Variants in NHSL1 observed in about 807,000 individuals in gnomAD.
NHSL1 encodes NHS like 1, also known as NHS-like protein 1.
NHSL1 carries 48 observed loss-of-function variants against 95.0 expected under a neutral mutation model. The observed-to-expected ratio is 0.51, with a 90% CI of 0.40 to 0.64. The LOEUF is 0.64. Ranked by LOEUF, NHSL1 falls within the 30% of genes least tolerant of loss-of-function variation. The probability of loss-of-function intolerance (pLI) is 0.00; values close to 1 mark genes in which losing one functional copy is unlikely to be tolerated. For synonymous variants in NHSL1, 783 were observed against 833.9 expected (o/e 0.94, Z 1.05); for missense variants, 1,971 against 2,077.7 (o/e 0.95, Z 1.00).
At chr6:138,466,534 T>C (rs1583234287) in intron 3 of NHSL1, among the ~76,000 whole-genome samples, 1 of 152,244 alleles carries the variant, frequency 6.6e-6, no homozygotes, top group Admixed American at 6.5e-5. Flanking sequence ...GTCCCTCCAG[T>C]TTATTTTACT....
chr6:138,431,606 T>C lies in NHSL1; in HGVS notation c.2739A>G (p.Gly913=). The change falls in exon 6 of 8, where the codon GGA becomes GGG. Residue 913 remains glycine, a synonymous_variant. Coordinates refer to ENST00000343505, the MANE Select transcript of NHSL1 (RefSeq NM_001144060.2). The surrounding 1 kb of genome is among the most constrained non-coding windows in gnomAD (Gnocchi z 4.0). The stretch of plus-strand genomic sequence containing the variant: ...GATCCAGCTTCTTCATAGTGCCACT[T>C]CCTTCAGTAGAAGTACTAGAAGAAA... ...TSLSSSTSTE[G]SGTMKKLDPA... is the part of the protein sequence containing the mutation. 6.4e-7 allele frequency: 1 copy of C among 1,551,630 alleles called. No homozygotes were observed. The highest frequency in any genetic ancestry group is 8.7e-7 in the Non-Finnish European group (1 of 1,146,976).
intron 1 of NHSL1, among the ~76,000 whole-genome samples, chr6:138,585,182 C>G (rs909053386): frequency 1.3e-5 from 2 of 152,144 alleles, no homozygotes; most frequent in Non-Finnish European, 2.9e-5. Flanking sequence ...ATTGGCTAGG[C>G]TGGAAGCAGA....
chr6:138,597,029 C>T (rs1462541290), intron 1 of NHSL1, among the ~76,000 whole-genome samples: 1 of 151,936 alleles, frequency 6.6e-6, no homozygotes. Flanking sequence ...GGTGTGGTGG[C>T]GGATGTCTGT....
chr6:138,463,798 G>A (rs1296429451), intron 3 of NHSL1, among the ~76,000 whole-genome samples: 3 of 151,992 alleles, frequency 2.0e-5, no homozygotes, highest in South Asian at 2.1e-4. Context: ...TATGTCACTC[G>A]GTAGTCTGCT....
chr6:138,692,102 T>C lies in NHSL1; in HGVS notation c.96+374A>G, dbSNP rs1470287697. The C allele has an allele frequency of 2.2e-6, 1 of 456,174 alleles. No homozygotes were observed. Among genetic ancestry groups the C allele is most frequent in the Admixed American group, 2.3e-5 (1 of 42,570 alleles). 28.3% of individuals were successfully genotyped at this position (456,174 alleles called of 1,614,324 possible). Reference sequence around the variant, plus strand: ...CAAATTTATATTCTCCCCTGGCTTTTCCAACAGGCTACCTGCCTGTGACAG... The same window carrying C: ...CAAATTTATATTCTCCCCTGGCTTTCCCAACAGGCTACCTGCCTGTGACAG... On this transcript the variant is annotated intron_variant, in intron 1 of 3. Coordinates refer to the NHSL1 transcript ENST00000491526. This position sits in a 1 kb window ranked among gnomAD's most constrained non-coding sequence, Gnocchi z 4.0.
intron 1 of NHSL1, among the ~76,000 whole-genome samples, chr6:138,506,219 T>G (rs569413949): frequency 6.6e-6 from 1 of 152,342 alleles, no homozygotes; most frequent in East Asian, 1.9e-4. Context: ...CTATCCTGTT[T>G]ATTAAGGAAC....
chr6:138,653,825 A>C (rs74776262), intron 1 of NHSL1, among the ~76,000 whole-genome samples: 1,825 of 152,282 alleles, frequency 0.012, 25 homozygotes, highest in African/African-American at 0.042. Context: ...TACATATGAA[A>C]TGTTTCACGA....
At chr6:138,642,053 T>C (rs2114686400) in intron 1 of NHSL1, among the ~76,000 whole-genome samples, 1 of 151,696 alleles carries the variant, frequency 6.6e-6, no homozygotes, top group Middle Eastern at 3.4e-3. Flanking sequence ...AACTTTCTCT[T>C]ATAACCCATA....
chr6:138,539,299 T>C (rs910710777), intron 1 of NHSL1, among the ~76,000 whole-genome samples: 1 of 152,228 alleles, frequency 6.6e-6, no homozygotes, highest in Non-Finnish European at 1.5e-5. Flanking sequence ...AATCTATTAA[T>C]TGCTTAAAGA....
At position 138,457,208 on chromosome 6, in the gene NHSL1, GC is replaced by G. The variant is rs201368535; in HGVS notation, c.340-10016del. ...TTTTCTGGAATTTCTAAATTGCTTT[GC>G]CAACAGTATTTTTTTCAATGCATCA... On this transcript the variant is annotated intron_variant, in intron 3 of 7. Coordinates refer to ENST00000343505, the MANE Select transcript of NHSL1 (RefSeq NM_001144060.2). Among the ~76,000 whole-genome samples the G allele has an allele frequency of 1.3e-4, 20 of 152,126 alleles. No individual in the cohort carries two copies. In the East Asian group the frequency reaches 3.7e-3, roughly 28 times the overall value.
intron 1 of NHSL1, among the ~76,000 whole-genome samples, chr6:138,666,682 A>G (rs1583472438): frequency 1.3e-5 from 2 of 152,120 alleles, no homozygotes; most frequent in South Asian, 2.1e-4. Context: ...AAAAACACTC[A>G]AGTCACAATT....
intron 2 of NHSL1, among the ~76,000 whole-genome samples, chr6:138,483,618 C>G (rs935451779): frequency 1.3e-5 from 2 of 152,208 alleles, no homozygotes; most frequent in African/African-American, 4.8e-5. Flanking sequence ...TGACCTCCAC[C>G]TGGTCTCCTA....
At chr6:138,437,375 C>CATATATATACACAT (rs1562270457) in intron 5 of NHSL1, among the ~76,000 whole-genome samples, 524 of 36,062 alleles carry the variant, frequency 0.015, 2 homozygotes, top group African/African-American at 0.054. Flanking sequence ...TATATATACA[C>CATATATATACACAT]ATATATATAT....
rs187930399 is a variant in NHSL1 at position 138,610,396 on chromosome 6, G to T, written c.96+82080C>A. 4.8e-3 allele frequency among the ~76,000 whole-genome samples: 728 copies of T among 152,026 alleles called. 4 individuals carry two copies. Among genetic ancestry groups the T allele is most frequent in the African/African-American group, 0.017 (698 of 41,458 alleles). On this transcript the variant is annotated intron_variant, in intron 1 of 3. Coordinates refer to the NHSL1 transcript ENST00000491526. The stretch of plus-strand genomic sequence containing the variant: ...CACACACCGGGGCCTGTAGTGGAGT[G>T]GGGGGAGCGGGGAGGGATAGCATTA...
intron 1 of NHSL1, among the ~76,000 whole-genome samples, chr6:138,584,961 C>A: frequency 6.6e-6 from 1 of 152,192 alleles, no homozygotes; most frequent in East Asian, 1.9e-4. Flanking sequence ...GGGTAAGGAC[C>A]ACAGGGCCTT....
chr6:138,436,793 C>T (rs1425965202), intron 5 of NHSL1, among the ~76,000 whole-genome samples: 1 of 152,182 alleles, frequency 6.6e-6, no homozygotes. Context: ...GAAGCCAATG[C>T]TCTTTTACCA....
intron 1 of NHSL1, among the ~76,000 whole-genome samples, chr6:138,565,490 G>T (rs2114361120): frequency 6.6e-6 from 1 of 152,296 alleles, no homozygotes; most frequent in African/African-American, 2.4e-5. Context: ...GAGAAAGCAA[G>T]AGAGGACAGA....
chr6:138,515,059 C>G (rs1029983262), intron 1 of NHSL1, among the ~76,000 whole-genome samples: 1 of 152,022 alleles, frequency 6.6e-6, no homozygotes, highest in Non-Finnish European at 1.5e-5. Context: ...CAGGCAGTGT[C>G]TACAGTGTGG....
At chr6:138,632,018 C>T (rs895713033) in intron 1 of NHSL1, among the ~76,000 whole-genome samples, 6 of 152,094 alleles carry the variant, frequency 3.9e-5, no homozygotes, top group African/African-American at 1.2e-4. Flanking sequence ...CTAGGCCAGG[C>T]AGCATTCATC....
Sources: allele counts gnomAD v4.1 joint callset (sites outside exome capture counted in the v4.1 genomes callset), GRCh38; gene constraint gnomAD v4.1.1; non-coding constraint Gnocchi (gnomAD v3.1); transcripts MANE v1.5; gene names NCBI Gene and HGNC (gene_info 2026-07-23, HGNC 2026-07-21).